MIA2: variants seen among roughly 807,000 people sequenced by gnomAD.
MIA2 encodes the protein melanoma inhibitory activity protein 2.
MIA2 carries 127 observed loss-of-function variants against 167.8 expected under a neutral mutation model. The observed-to-expected ratio is 0.76, with a 90% confidence interval of 0.66 to 0.88. The LOEUF is 0.88. Among genes scored for constraint, MIA2 ranks in the 40% least tolerant of loss-of-function variants. MIA2 has a pLI of 0.00. For synonymous variants in MIA2, 552 were observed against 541.9 expected (o/e 1.02, Z -0.26); for missense variants, 1,690 against 1,624.7 (o/e 1.04, Z -0.69).
intron 6 of MIA2, among the ~76,000 whole-genome samples, chr14:39,260,766 T>A (rs1484264091): frequency 2.0e-5 from 3 of 152,198 alleles, no homozygotes; most frequent in Non-Finnish European, 4.4e-5. Flanking sequence ...GGTGTTTTAT[T>A]CATGAAGTCC....
chr14:39,247,686 T>G lies in MIA2; in HGVS notation c.1112T>G (p.Leu371Trp). Residue 371 changes from leucine (L) to tryptophan (W), a missense_variant, in exon 4 of 29, where the codon TTG becomes TGG. By Grantham distance (61) the Leu-to-Trp change is moderately conservative. Coordinates refer to ENST00000640607, the MANE Select transcript of MIA2 (RefSeq NM_001329214.4). ...AAAGACACAATCACTAATGATAGCT[T>G]GAGTCTCAAGCCAAGTTGGTTTGAT... ...EKKDTITNDS[L>W]SLKPSWFDFG... The G allele has an allele frequency of 6.2e-7, 1 of 1,612,040 alleles. No individual in the cohort carries two copies. Among genetic ancestry groups the G allele is most frequent in the Non-Finnish European group, 8.5e-7 (1 of 1,179,470 alleles).
intron 13 of MIA2, among the ~76,000 whole-genome samples, chr14:39,299,372 A>G (rs992550514): frequency 2.4e-5 from 3 of 127,452 alleles, no homozygotes; most frequent in Admixed American, 9.7e-5. Context: ...CAGTGGTGCA[A>G]TCTTGGCTCA....
chr14:39,267,105 G>A, intron 6 of MIA2: 1 of 1,123,290 alleles, frequency 8.9e-7, no homozygotes. Flanking sequence ...GCGAAGAAGG[G>A]GAAGTTTGCG....
chr14:39,277,756 A>ATATATATATGTGTG (rs1566685537), intron 7 of MIA2, among the ~76,000 whole-genome samples: 8 of 21,590 alleles, frequency 3.7e-4, no homozygotes, highest in South Asian at 2.1e-3. Context: ...GTGTATATAT[A>ATATATATATGTGTG]TATATATATA....
rs199688357 is a variant in MIA2, at chr14:39,303,442, C to T, written c.2741-36C>T. ...GTCTATTGTCGTATTGTACTATTTT[C>T]CCAAATCATTGTTGTGCTTTTGATT... On this transcript the variant is annotated intron_variant, in intron 15 of 28. Coordinates refer to ENST00000640607, the MANE Select transcript of MIA2 (RefSeq NM_001329214.4). The T allele has an allele frequency of 4.8e-4, 737 of 1,537,136 alleles. 1 individual carries two copies. The highest frequency in any genetic ancestry group is 4.0e-3 in the East Asian group (179 of 44,260).
intron 23 of MIA2, among the ~76,000 whole-genome samples, chr14:39,358,368 G>T: frequency 1.3e-5 from 2 of 152,128 alleles, no homozygotes; most frequent in South Asian, 4.1e-4. Context: ...TTGTGCATTC[G>T]TCACGTAGTT....
At chr14:39,291,613 A>G (rs564130395) in intron 10 of MIA2, among the ~76,000 whole-genome samples, 1 of 151,900 alleles carries the variant, frequency 6.6e-6, no homozygotes, top group African/African-American at 2.4e-5. Context: ...CTTTTTTTTT[A>G]AAAAGCAGCC....
chr14:39,385,333 A>G, intron 23 of MIA2: 1 of 783,684 alleles, frequency 1.3e-6, no homozygotes, highest in South Asian at 1.5e-5. Flanking sequence ...TTAAAAAAAA[A>G]AGTTCAGGTT....
intron 28 of MIA2, 78 bp downstream of exon 28, chr14:39,349,055 T>C: frequency 1.3e-6 from 2 of 1,511,260 alleles, no homozygotes; most frequent in East Asian, 2.3e-5. Context: ...TATCTGTTAA[T>C]GTAGTAACAC....
intron 25 of MIA2, among the ~76,000 whole-genome samples, chr14:39,327,715 G>A (rs972010468): frequency 2.2e-4 from 34 of 152,098 alleles, no homozygotes; most frequent in Admixed American, 5.2e-4. Context: ...GAGAACATGC[G>A]GTGTTTGGTT....
chr14:39,315,741 T>G, intron 21 of MIA2, 23 bp downstream of exon 21: 1 of 1,489,278 alleles, frequency 6.7e-7, no homozygotes, highest in Non-Finnish European at 9.2e-7. Context: ...TTTCCTTAAG[T>G]CTCTTTTGTC....
intron 23 of MIA2, among the ~76,000 whole-genome samples, chr14:39,372,119 A>G (rs1225784806): frequency 2.0e-5 from 3 of 152,100 alleles, no homozygotes; most frequent in African/African-American, 7.2e-5. Context: ...CATCTGAATG[A>G]TGTGGAATAA....
chr14:39,288,466 T>TTTTTTTTG, intron 9 of MIA2, among the ~76,000 whole-genome samples: 1 of 37,754 alleles, frequency 2.6e-5, no homozygotes, highest in South Asian at 9.7e-4. Flanking sequence ...TATATATATA[T>TTTTTTTTG]ATATATATAT....
At chr14:39,256,159 G>C (rs535773873) in intron 6 of MIA2, among the ~76,000 whole-genome samples, 1 of 152,304 alleles carries the variant, frequency 6.6e-6, no homozygotes, top group South Asian at 2.1e-4. Flanking sequence ...GTTAGTGCTT[G>C]CTTACATAGA....
intron 23 of MIA2, chr14:39,386,830 C>T: frequency 1.1e-6 from 1 of 933,974 alleles, no homozygotes. Flanking sequence ...ATAGAATTCT[C>T]AGCAACTCGT....
chr14:39,269,562 C>T (rs1401020713), intron 6 of MIA2, among the ~76,000 whole-genome samples: 1 of 151,762 alleles, frequency 6.6e-6, no homozygotes, highest in Admixed American at 6.6e-5. Context: ...CCCTGTCACC[C>T]AGGGGGGAGT....
intron 16 of MIA2, 66 bp from the exon 17 acceptor site, chr14:39,304,225 T>C: frequency 1.6e-6 from 1 of 617,246 alleles, no homozygotes; most frequent in Non-Finnish European, 2.5e-6. Context: ...TGAGGTTTTA[T>C]TTTTTATTTT....
At chr14:39,316,246 G>T (rs530265701) in intron 21 of MIA2, among the ~76,000 whole-genome samples, 2 of 152,212 alleles carry the variant, frequency 1.3e-5, no homozygotes, top group Non-Finnish European at 2.9e-5. Context: ...GAAGTGATGA[G>T]GATGCAGATT....
intron 24 of MIA2, among the ~76,000 whole-genome samples, chr14:39,325,574 A>G (rs11625027): frequency 0.16 from 23,496 of 149,832 alleles, 1,991 homozygotes; most frequent in Middle Eastern, 0.23. Context: ...TCACCTTGTT[A>G]GCCAGGATGG....
Sources: allele counts gnomAD v4.1 joint callset (sites outside exome capture counted in the v4.1 genomes callset), GRCh38; gene constraint gnomAD v4.1.1; transcripts MANE v1.5; gene names NCBI Gene and HGNC (gene_info 2026-07-23, HGNC 2026-07-21).